C10orf67: variants seen among roughly 807,000 people sequenced by gnomAD.
The protein encoded by C10orf67 is chromosome 10 open reading frame 67, also known as uncharacterized protein C10orf67, mitochondrial.
In C10orf67, 60 loss-of-function variants were observed where a neutral mutation model predicts 35.6. That is an observed-to-expected ratio of 1.68 (90% CI 1.37 to 2.09). The LOEUF is 2.09. C10orf67 is among the 30% of genes most tolerant of loss of function. The pLI, the probability that C10orf67 is intolerant of heterozygous loss-of-function variation, is 0.00. For synonymous variants in C10orf67, 167 were observed against 115.8 expected, an observed-to-expected ratio of 1.44 and a Z score of -2.84; for missense variants, 474 against 330.2, an observed-to-expected ratio of 1.44 and a Z score of -3.38.
chr10:23,335,295 T>C (rs968523027), intron 1 of C10orf67, among the ~76,000 whole-genome samples: 6 of 152,074 alleles, frequency 3.9e-5, no homozygotes, highest in African/African-American at 7.2e-5. Flanking sequence ...TGTAATGTCA[T>C]AGAGTAAGTG....
rs12253856 is a variant in C10orf67 at position 23,270,053 on chromosome 10, C to T, written c.976-2799G>A. On this transcript the variant is annotated intron_variant, in intron 8 of 15. Coordinates refer to ENST00000636213, the MANE Select transcript of C10orf67 (RefSeq NM_001371909.1). ...ACATCATTTTCAAGTATATGTAATA[C>T]TGTCCCATGAAAGACTATATACTGG... Among the ~76,000 whole-genome samples the T allele has an allele frequency of 7.6e-3, 1,154 of 152,230 alleles. 14 individuals are homozygous for T. Among genetic ancestry groups the T allele is most frequent in the African/African-American group, 0.026 (1,097 of 41,552 alleles).
At chr10:23,250,565 T>A in intron 11 of C10orf67, 45 bp from the exon 12 acceptor site, 1 of 398,648 alleles carries the variant, frequency 2.5e-6, no homozygotes, top group Non-Finnish European at 4.4e-6. Context: ...TAGTTACAAA[T>A]GAACATTATA....
intron 5 of C10orf67, among the ~76,000 whole-genome samples, chr10:23,296,179 A>G (rs1394710859): frequency 6.6e-6 from 1 of 151,036 alleles, no homozygotes; most frequent in Non-Finnish European, 1.5e-5. Flanking sequence ...TTCTATGTGT[A>G]CTTTTTTTTT....
At chr10:23,314,457 A>G (rs964764205) in intron 4 of C10orf67, among the ~76,000 whole-genome samples, 1 of 149,646 alleles carries the variant, frequency 6.7e-6, no homozygotes, top group Non-Finnish European at 1.5e-5. Context: ...CTCGTCTCTA[A>G]TGAAAAAGAA....
At chr10:23,207,377 T>G (rs1841186502) in intron 15 of C10orf67, among the ~76,000 whole-genome samples, 1 of 152,236 alleles carries the variant, frequency 6.6e-6, no homozygotes, top group African/African-American at 2.4e-5. Context: ...TTTTTTAGAA[T>G]GACGCTGTAC....
intron 4 of C10orf67, among the ~76,000 whole-genome samples, chr10:23,319,920 G>A (rs1244444948): frequency 6.6e-6 from 1 of 152,172 alleles, no homozygotes. Flanking sequence ...AAGCAGTGGG[G>A]AGAATGTGCA....
chr10:23,343,971 T>C, intron 1 of C10orf67: 1 of 461,366 alleles, frequency 2.2e-6, no homozygotes, highest in South Asian at 1.6e-5. Context: ...GGCCCTCCTC[T>C]GTCTCAGGCG....
At chr10:23,336,132 C>A (rs781710612) in intron 1 of C10orf67, among the ~76,000 whole-genome samples, 3 of 151,988 alleles carry the variant, frequency 2.0e-5, no homozygotes, top group Non-Finnish European at 2.9e-5. Context: ...GAGGAGAGGA[C>A]CACAATAGTG....
chr10:23,327,990 T>G (rs1289998753), intron 2 of C10orf67, among the ~76,000 whole-genome samples: 2 of 152,046 alleles, frequency 1.3e-5, no homozygotes, highest in African/African-American at 2.4e-5. Context: ...ATAAAAATAT[T>G]CTAAAAAGCA....
Position 23,291,148 on chromosome 10 carries a change from T to C in C10orf67, c.834A>G (p.Lys278=). 1.4e-6 allele frequency: 1 copy of C among 711,714 alleles called. No individual in the cohort carries two copies. Among genetic ancestry groups the C allele is most frequent in the Non-Finnish European group, 2.6e-6 (1 of 383,520 alleles). The allele number at this position is 711,714 out of a possible 1,614,324, so 44.1% of individuals were successfully genotyped here. ...ELEEEIQINL[K]ENSGLEDELI... ...AAATGTTACCTAATCCTGAATTTTC[T>C]TTTAGATTGATCTGGATTTCTTCTT... Residue 278 remains lysine, a synonymous_variant, in exon 6 of 16, where the codon AAA becomes AAG. Transcript: ENST00000636213.
intron 1 of C10orf67, among the ~76,000 whole-genome samples, chr10:23,335,119 C>T (rs1014747352): frequency 6.7e-6 from 1 of 149,810 alleles, no homozygotes; most frequent in Non-Finnish European, 1.5e-5. Context: ...ACCTGGGAGG[C>T]AGAGGCTGCA....
chr10:23,282,252 T>C (rs1029241584), intron 7 of C10orf67, among the ~76,000 whole-genome samples, 174 bp from the exon 8 acceptor site: 1 of 152,228 alleles, frequency 6.6e-6, no homozygotes. Context: ...GGAATTATTA[T>C]GCAAGCAAGT....
intron 4 of C10orf67, among the ~76,000 whole-genome samples, chr10:23,312,704 T>C (rs1262768438): frequency 1.3e-5 from 2 of 152,216 alleles, no homozygotes; most frequent in African/African-American, 4.8e-5. Flanking sequence ...ATTTTATGCA[T>C]CAACTTGGCT....
intron 2 of C10orf67, 87 bp downstream of exon 2, chr10:23,332,975 A>G: frequency 2.2e-6 from 3 of 1,335,590 alleles, no homozygotes; most frequent in Non-Finnish European, 3.1e-6. Flanking sequence ...AAAAATTTTA[A>G]TTATTTCACT....
rs75033987 is a variant in C10orf67, at chr10:23,306,682, G to A, written c.547-3223C>T. On this transcript the variant is annotated intron_variant, in intron 4 of 15. Coordinates refer to ENST00000636213, the MANE Select transcript of C10orf67 (RefSeq NM_001371909.1). ...CAGTATGGTGACTATGGTTAATAAC[G>A]CTGTATTGTTTACTTGAAATTTGCC... is the stretch of plus-strand genomic sequence containing the variant. 4.5e-3 allele frequency among the ~76,000 whole-genome samples: 686 copies of A among 152,120 alleles called. 13 individuals carry two copies. In the East Asian group the frequency reaches 0.049, roughly 11 times the overall value.
chr10:23,309,026 A>T (rs1431688646), intron 4 of C10orf67, among the ~76,000 whole-genome samples: 1 of 152,032 alleles, frequency 6.6e-6, no homozygotes, highest in Non-Finnish European at 1.5e-5. Context: ...TTTCTAACTA[A>T]TTTTTATGTT....
chr10:23,232,142 A>G (rs968731339), intron 13 of C10orf67, among the ~76,000 whole-genome samples: 1 of 152,200 alleles, frequency 6.6e-6, no homozygotes, highest in African/African-American at 2.4e-5. Context: ...TCGTGTTATT[A>G]TCAATCTTTA....
chr10:23,218,307 A>AT (rs371926193), intron 15 of C10orf67, among the ~76,000 whole-genome samples: 24,742 of 119,026 alleles, frequency 0.21, 3,435 homozygotes, highest in Admixed American at 0.31. Context: ...CACGAGGCTA[A>AT]TTTTTTTTTT....
chr10:23,309,790 G>A (rs2035843004), intron 4 of C10orf67, among the ~76,000 whole-genome samples: 1 of 152,162 alleles, frequency 6.6e-6, no homozygotes, highest in Admixed American at 6.5e-5. Flanking sequence ...TTCAGGACAG[G>A]GAGGGCCACA....
Sources: allele counts gnomAD v4.1 joint callset (sites outside exome capture counted in the v4.1 genomes callset), GRCh38; gene constraint gnomAD v4.1.1; transcripts MANE v1.5; gene names NCBI Gene and HGNC (gene_info 2026-07-23, HGNC 2026-07-21).